HFM1: variants seen among roughly 807,000 people sequenced by gnomAD.
HFM1 encodes the protein helicase for meiosis 1.
Under a neutral mutation model 192.1 loss-of-function variants are expected in HFM1, and 169 were observed. The observed-to-expected ratio is 0.88, with a 90% confidence interval of 0.78 to 1.00. The LOEUF (loss-of-function observed/expected upper bound fraction) is 1.00, where lower values mean the gene tolerates loss of function less well. HFM1 is among the 50% of genes least tolerant of loss of function. The pLI, the probability that HFM1 is intolerant of heterozygous loss-of-function variation, is 0.00. For synonymous variants in HFM1, 525 were observed against 537.8 expected (o/e 0.98, Z 0.33); for missense variants, 1,661 against 1,668.0 (o/e 1.00, Z 0.07).
intron 30 of HFM1, among the ~76,000 whole-genome samples, chr1:91,288,232 T>A (rs1004655701): frequency 6.6e-6 from 1 of 150,666 alleles, no homozygotes; most frequent in African/African-American, 2.4e-5. Context: ...AAAGTTGAAA[T>A]GAAGGAAAAA....
At chr1:91,329,411 G>T in intron 20 of HFM1, 4 of 1,577,204 alleles carry the variant, frequency 2.5e-6, no homozygotes, top group Non-Finnish European at 3.4e-6. Flanking sequence ...ATTTCTTCAA[G>T]GTGACTGGCT....
intron 13 of HFM1, 76 bp downstream of exon 13, chr1:91,375,282 C>G: frequency 6.0e-6 from 6 of 994,482 alleles, no homozygotes; most frequent in South Asian, 1.5e-5. Flanking sequence ...GGTTATGGGA[C>G]AAGCCTAATT....
chr1:91,332,668 C>T (rs998657959), intron 20 of HFM1, among the ~76,000 whole-genome samples: 5 of 152,166 alleles, frequency 3.3e-5, no homozygotes, highest in African/African-American at 1.2e-4. Context: ...AGAAAACCCA[C>T]AGAATGGGAG....
chr1:91,297,510 C>G (rs891384911), intron 30 of HFM1, among the ~76,000 whole-genome samples: 1 of 152,118 alleles, frequency 6.6e-6, no homozygotes, highest in Non-Finnish European at 1.5e-5. Context: ...GGGTCCCTTA[C>G]CCCCAAGTAG....
chr1:91,364,038 G>T (rs951725187), intron 13 of HFM1, among the ~76,000 whole-genome samples: 1 of 151,884 alleles, frequency 6.6e-6, no homozygotes, highest in Non-Finnish European at 1.5e-5. Context: ...TGGGGAGGTT[G>T]GGGAGGGAGA....
chr1:91,310,787 C>T (rs2101115098), intron 30 of HFM1, among the ~76,000 whole-genome samples: 1 of 152,324 alleles, frequency 6.6e-6, no homozygotes, highest in Middle Eastern at 3.4e-3. Flanking sequence ...TGCCTTTTAA[C>T]TCCCACCATG....
intron 3 of HFM1, among the ~76,000 whole-genome samples, chr1:91,395,260 G>A (rs555888360): frequency 6.6e-6 from 1 of 151,940 alleles, no homozygotes. Flanking sequence ...CTTACCTTTA[G>A]GAAATGGCAA....
chr1:91,368,436 A>C (rs966786816), intron 13 of HFM1, among the ~76,000 whole-genome samples: 6 of 152,178 alleles, frequency 3.9e-5, no homozygotes, highest in Admixed American at 2.0e-4. Flanking sequence ...GAGTGGGGGC[A>C]AATATTCAAC....
At chr1:91,303,403 T>C (rs917699295) in intron 30 of HFM1, among the ~76,000 whole-genome samples, 1 of 152,254 alleles carries the variant, frequency 6.6e-6, no homozygotes, top group Non-Finnish European at 1.5e-5. Flanking sequence ...ATTTTGCTTA[T>C]CTATTCATCA....
At chr1:91,294,142 A>G (rs2100967511) in intron 30 of HFM1, among the ~76,000 whole-genome samples, 1 of 152,016 alleles carries the variant, frequency 6.6e-6, no homozygotes, top group South Asian at 2.1e-4. Flanking sequence ...TGGCACATGT[A>G]TACATATGTA....
chr1:91,337,626 C>T lies in HFM1; in HGVS notation c.2335+5804G>A, dbSNP rs75647727. ...CTCCAGTACTGCATCCCCTTTTTTC[C>T]GGGAGGCCTCAGGTAACTTGGCTGC... On this transcript the variant is annotated intron_variant, in intron 20 of 38. Transcript: ENST00000370425. Among the ~76,000 whole-genome samples the T allele has an allele frequency of 1.4e-3, 219 of 152,140 alleles. 3 individuals carry two copies. The East Asian group carries it at 0.022, about 16-fold the overall frequency.
chr1:91,273,680 A>C, intron 34 of HFM1, 32 bp downstream of exon 34: 1 of 1,081,078 alleles, frequency 9.3e-7, no homozygotes, highest in South Asian at 1.3e-5. Context: ...TAAGCCATTT[A>C]CTCTCTCAAG....
At chr1:91,261,412 T>A in intron 38 of HFM1, 53 bp from the exon 39 acceptor site, 1 of 769,328 alleles carries the variant, frequency 1.3e-6, no homozygotes, top group Non-Finnish European at 1.9e-6. Flanking sequence ...CAATTTATTT[T>A]AAAATACACA....
At chr1:91,368,074 C>A (rs1359934512) in intron 13 of HFM1, among the ~76,000 whole-genome samples, 3 of 152,130 alleles carry the variant, frequency 2.0e-5, no homozygotes, top group Non-Finnish European at 4.4e-5. Context: ...ACAAACAAAG[C>A]CTCCAAGAAA....
chr1:91,278,521 G>C (rs1328378618), intron 30 of HFM1, among the ~76,000 whole-genome samples: 4 of 152,152 alleles, frequency 2.6e-5, no homozygotes, highest in East Asian at 1.9e-4. Context: ...CTGCAGCATA[G>C]ATTTTAAGTG....
chr1:91,264,174 G>T (rs114668481), intron 36 of HFM1, among the ~76,000 whole-genome samples: 1 of 151,932 alleles, frequency 6.6e-6, no homozygotes, highest in Non-Finnish European at 1.5e-5. Context: ...TCTTGGTAGA[G>T]GTGGCATGAT....
intron 30 of HFM1, among the ~76,000 whole-genome samples, chr1:91,290,368 A>G (rs1048644258): frequency 6.6e-6 from 1 of 152,206 alleles, no homozygotes; most frequent in Non-Finnish European, 1.5e-5. Context: ...CTACCAAGCA[A>G]ATGGAAAACA....
At chr1:91,398,093 G>T (rs1289299829) in intron 2 of HFM1, among the ~76,000 whole-genome samples, 3 of 152,172 alleles carry the variant, frequency 2.0e-5, no homozygotes, top group African/African-American at 7.2e-5. Context: ...TAAGTTCTCA[G>T]ACTCTAGCCA....
At chr1:91,268,186 C>G (rs1275294794) in intron 34 of HFM1, among the ~76,000 whole-genome samples, 1 of 151,884 alleles carries the variant, frequency 6.6e-6, no homozygotes, top group Non-Finnish European at 1.5e-5. Context: ...ATTTAATTTT[C>G]AATACATTTT....
Sources: gnomAD v4.1 joint callset for allele counts (sites outside exome capture counted in the v4.1 genomes callset) on GRCh38, gnomAD v4.1.1 for gene constraint, MANE v1.5 for transcripts, NCBI Gene and HGNC (gene_info 2026-07-23, HGNC 2026-07-21) for gene names.